Variants in CSTPP1 observed in about 807,000 individuals in gnomAD.
The protein encoded by CSTPP1 is UPF0705 protein C11orf49.
the CSTPP1 span, among the ~76,000 whole-genome samples, chr11:46,996,808 T>G: frequency 6.6e-6 from 1 of 152,206 alleles, no homozygotes; most frequent in Non-Finnish European, 1.5e-5. Context: ...TCTCCTTCAC[T>G]TATGAAGCTT....
the CSTPP1 span, among the ~76,000 whole-genome samples, chr11:47,090,612 T>C: frequency 2.0e-5 from 3 of 152,324 alleles, no homozygotes; most frequent in East Asian, 1.9e-4. Flanking sequence ...CTGTGAGTAA[T>C]AACTATAATA....
chr11:46,986,719 CA>C, the CSTPP1 span, among the ~76,000 whole-genome samples: 6 of 152,298 alleles, frequency 3.9e-5, no homozygotes. Context: ...CCACCCGCCT[CA>C]GCCTCCCAAA....
At chr11:46,957,645 T>G in the CSTPP1 span, among the ~76,000 whole-genome samples, 3 of 152,212 alleles carry the variant, frequency 2.0e-5, no homozygotes, top group Admixed American at 1.3e-4. Flanking sequence ...ATCCTTTCAG[T>G]GTAGAAATTC....
At chr11:47,137,628 C>T in the CSTPP1 span, 8 of 1,614,066 alleles carry the variant, frequency 5.0e-6, no homozygotes, top group African/African-American at 1.3e-5. Context: ...ATGTGTTCCT[C>T]TCCATTTCCA....
the CSTPP1 span, chr11:47,164,358 G>C: frequency 8.1e-7 from 1 of 1,238,764 alleles, no homozygotes; most frequent in Non-Finnish European, 1.1e-6. Flanking sequence ...ACACCACTTT[G>C]TTTCAATACA....
chr11:46,968,560 A>G, the CSTPP1 span, among the ~76,000 whole-genome samples: 1 of 151,564 alleles, frequency 6.6e-6, no homozygotes, highest in African/African-American at 2.4e-5. Context: ...AAAATTATCT[A>G]ATTTTTTTTA....
the CSTPP1 span, among the ~76,000 whole-genome samples, chr11:47,055,486 A>T: frequency 3.3e-5 from 5 of 151,996 alleles, no homozygotes; most frequent in African/African-American, 1.2e-4. Flanking sequence ...ACGAAACTGT[A>T]ACTTTTCTAA....
the CSTPP1 span, chr11:46,987,466 T>C: frequency 1.6e-6 from 1 of 615,752 alleles, no homozygotes; most frequent in East Asian, 2.7e-5. Context: ...AAACATGTTT[T>C]GGAGCATGCC....
At chr11:47,110,511 TTC>T in the CSTPP1 span, among the ~76,000 whole-genome samples, 1 of 152,246 alleles carries the variant, frequency 6.6e-6, no homozygotes, top group African/African-American at 2.4e-5. Context: ...TCTTCATTTC[TTC>T]TGACTCAGAC....
the CSTPP1 span, among the ~76,000 whole-genome samples, chr11:47,029,926 C>A: frequency 5.3e-4 from 78 of 146,346 alleles, no homozygotes; most frequent in African/African-American, 1.9e-3. Context: ...AGTGAGGCCT[C>A]GTCTCTACTG....
chr11:46,957,639 T>C, the CSTPP1 span, among the ~76,000 whole-genome samples: 26 of 151,936 alleles, frequency 1.7e-4, no homozygotes, highest in African/African-American at 6.0e-4. Flanking sequence ...CTTGAGATCC[T>C]TTCAGTGTAG....
the CSTPP1 span, among the ~76,000 whole-genome samples, chr11:47,091,335 C>T: frequency 4.0e-5 from 6 of 151,704 alleles, no homozygotes; most frequent in South Asian, 2.1e-4. Flanking sequence ...GGTCACACCA[C>T]TGCACTCCAG....
the CSTPP1 span, among the ~76,000 whole-genome samples, chr11:47,140,929 T>C: frequency 6.6e-6 from 1 of 151,854 alleles, no homozygotes. Context: ...TGAAACCCCA[T>C]CTCTACTAAA....
the CSTPP1 span, among the ~76,000 whole-genome samples, chr11:46,974,253 C>T: frequency 4.6e-5 from 7 of 152,036 alleles, no homozygotes; most frequent in East Asian, 1.9e-4. Flanking sequence ...ACAGGCCTGG[C>T]GCAGTGGCTC....
the CSTPP1 span, among the ~76,000 whole-genome samples, chr11:47,026,030 C>T: frequency 6.6e-6 from 1 of 152,222 alleles, no homozygotes; most frequent in East Asian, 1.9e-4. Context: ...TGAGGGAGGC[C>T]TCACCTGTGA....
chr11:47,122,088 AAAAATATAT>A, the CSTPP1 span, among the ~76,000 whole-genome samples: 48 of 96,736 alleles, frequency 5.0e-4, no homozygotes, highest in African/African-American at 1.7e-3. Flanking sequence ...AAAAAAAAAA[AAAAATATAT>A]ATATATATAT....
the CSTPP1 span, among the ~76,000 whole-genome samples, chr11:47,078,146 A>G: frequency 6.6e-6 from 1 of 152,234 alleles, no homozygotes; most frequent in Admixed American, 6.5e-5. Context: ...ACATTTAAAA[A>G]TCAAGAAATA....
chr11:47,109,970 T>G, the CSTPP1 span, among the ~76,000 whole-genome samples: 1 of 152,186 alleles, frequency 6.6e-6, no homozygotes. Flanking sequence ...CTTCTTTCCC[T>G]AGATTGCATG....
At chr11:47,138,979 C>CAAAAAAAAA in the CSTPP1 span, among the ~76,000 whole-genome samples, 15 of 40,898 alleles carry the variant, frequency 3.7e-4, 1 homozygote, top group East Asian at 2.3e-3. Flanking sequence ...GACTCCGTCT[C>CAAAAAAAAA]AAAAAAAAAA....
Sources: allele counts gnomAD v4.1 joint callset (sites outside exome capture counted in the v4.1 genomes callset), GRCh38; gene constraint gnomAD v4.1.1; transcripts MANE v1.5; gene names NCBI Gene and HGNC (gene_info 2026-07-23, HGNC 2026-07-21).